LINGO2: variants seen among roughly 807,000 people sequenced by gnomAD.
LINGO2 encodes leucine-rich repeat and immunoglobulin-like domain-containing nogo receptor-interacting protein 2.
LINGO2 carries 14 observed loss-of-function variants against 30.6 expected under a neutral mutation model. The ratio of observed to expected loss-of-function variants is 0.46; its 90% CI spans 0.30 to 0.72. The LOEUF is 0.72. Among genes scored for constraint, LINGO2 ranks in the 30% least tolerant of loss-of-function variants. The pLI, the probability that LINGO2 is intolerant of heterozygous loss-of-function variation, is 0.07. For synonymous variants in LINGO2, 317 were observed against 288.5 expected, an observed-to-expected ratio of 1.10 and a Z score of -1.00; for missense variants, 729 against 751.7, an observed-to-expected ratio of 0.97 and a Z score of 0.35.
chr9:28,880,999 G>T, the LINGO2 span, among the ~76,000 whole-genome samples: 95,661 of 151,832 alleles, frequency 0.63, 30,330 homozygotes, highest in Admixed American at 0.71. Flanking sequence ...CCTGCTCTCC[G>T]ACTACATTCC....
chr9:28,407,099 A>T (rs1822544885), intron 2 of LINGO2, among the ~76,000 whole-genome samples: 1 of 152,164 alleles, frequency 6.6e-6, no homozygotes, highest in Non-Finnish European at 1.5e-5. Context: ...ATAGAGATGC[A>T]TATATAAATA....
At chr9:28,866,234 T>C in the LINGO2 span, among the ~76,000 whole-genome samples, 1 of 152,178 alleles carries the variant, frequency 6.6e-6, no homozygotes, top group Non-Finnish European at 1.5e-5. Flanking sequence ...TTTCAAACTC[T>C]TGCACTATTT....
the LINGO2 span, among the ~76,000 whole-genome samples, chr9:28,701,295 G>A: frequency 6.6e-6 from 1 of 151,676 alleles, no homozygotes. Flanking sequence ...TTTGTATTTT[G>A]TGTTCAGACC....
intron 1 of LINGO2, among the ~76,000 whole-genome samples, chr9:28,647,893 CTT>C (rs5897315): frequency 0.13 from 16,973 of 130,068 alleles, 1,246 homozygotes; most frequent in African/African-American, 0.22. Flanking sequence ...TTCTTTCTTT[CTT>C]TTTTTTTTTT....
intron 1 of LINGO2, among the ~76,000 whole-genome samples, chr9:28,603,611 A>G (rs1825583260): frequency 6.6e-6 from 1 of 152,054 alleles, no homozygotes; most frequent in Non-Finnish European, 1.5e-5. Context: ...CTGATTATAA[A>G]TCTTGCATTC....
chr9:28,620,229 C>G (rs946631902), intron 1 of LINGO2, among the ~76,000 whole-genome samples: 2 of 152,030 alleles, frequency 1.3e-5, no homozygotes, highest in Admixed American at 1.3e-4. Context: ...ATGACTAGGA[C>G]TCAAATACCG....
chr9:28,040,461 C>A (rs1165601940), intron 4 of LINGO2, among the ~76,000 whole-genome samples: 2 of 142,524 alleles, frequency 1.4e-5, no homozygotes, highest in South Asian at 4.6e-4. Flanking sequence ...GGATTCACTA[C>A]CTCACAAGAC....
chr9:28,263,268 A>G (rs1453135820), intron 4 of LINGO2, among the ~76,000 whole-genome samples: 1 of 152,012 alleles, frequency 6.6e-6, no homozygotes, highest in African/African-American at 2.4e-5. Flanking sequence ...TCATTTGGTT[A>G]GTTAAGGCCA....
At chr9:29,115,246 T>C in the LINGO2 span, among the ~76,000 whole-genome samples, 1 of 152,108 alleles carries the variant, frequency 6.6e-6, no homozygotes, top group Non-Finnish European at 1.5e-5. Flanking sequence ...CACTTATTTT[T>C]AGGTGAGTTC....
At chr9:28,717,040 G>C in the LINGO2 span, among the ~76,000 whole-genome samples, 52 of 151,958 alleles carry the variant, frequency 3.4e-4, no homozygotes, top group Non-Finnish European at 6.9e-4. Flanking sequence ...AACAACCAAA[G>C]GGTAACTATG....
At chr9:28,087,372 T>C (rs1223990071) in intron 4 of LINGO2, among the ~76,000 whole-genome samples, 2 of 152,106 alleles carry the variant, frequency 1.3e-5, no homozygotes, top group South Asian at 4.1e-4. Context: ...TTTAAAACAA[T>C]ATGTGTTTTA....
chr9:29,170,044 A>T, the LINGO2 span, among the ~76,000 whole-genome samples: 1 of 152,106 alleles, frequency 6.6e-6, no homozygotes, highest in South Asian at 2.1e-4. Flanking sequence ...CAGTATGGAG[A>T]TTTCTCAAAT....
intron 4 of LINGO2, among the ~76,000 whole-genome samples, chr9:28,240,209 C>A (rs545910032): frequency 6.6e-6 from 1 of 152,048 alleles, no homozygotes; most frequent in South Asian, 2.1e-4. Flanking sequence ...CTACACAAAG[C>A]AATCTATAGA....
At chr9:28,482,518 A>T (rs988593240) in intron 1 of LINGO2, among the ~76,000 whole-genome samples, 3 of 151,726 alleles carry the variant, frequency 2.0e-5, no homozygotes, top group Admixed American at 1.3e-4. Context: ...TAGATTCTGG[A>T]TATTAGCCCT....
chr9:28,105,358 G>C (rs1050966834), intron 4 of LINGO2, among the ~76,000 whole-genome samples: 3 of 152,114 alleles, frequency 2.0e-5, no homozygotes, highest in Non-Finnish European at 4.4e-5. Context: ...CACTGTTCTA[G>C]GCTCTGGGAG....
intron 1 of LINGO2, among the ~76,000 whole-genome samples, chr9:28,660,926 G>A (rs1828559095): frequency 6.6e-6 from 1 of 152,094 alleles, no homozygotes; most frequent in Non-Finnish European, 1.5e-5. Context: ...CAGACTGAAT[G>A]AATACAGCAC....
At chr9:28,174,753 G>C (rs895362530) in intron 4 of LINGO2, among the ~76,000 whole-genome samples, 1 of 152,064 alleles carries the variant, frequency 6.6e-6, no homozygotes, top group African/African-American at 2.4e-5. Context: ...TGTAGAGTGG[G>C]AACCATATAT....
chr9:28,444,317 C>T (rs1392637487), intron 2 of LINGO2, among the ~76,000 whole-genome samples: 2 of 152,190 alleles, frequency 1.3e-5, no homozygotes, highest in Non-Finnish European at 2.9e-5. Flanking sequence ...TTCCCAAAAC[C>T]AAAGCTGCTG....
the LINGO2 span, among the ~76,000 whole-genome samples, chr9:28,898,537 A>G: frequency 2.0e-5 from 3 of 152,152 alleles, no homozygotes; most frequent in Non-Finnish European, 4.4e-5. Context: ...TATTTTTTCT[A>G]TCTACTGGTA....
Sources: gnomAD v4.1 joint callset for allele counts (sites outside exome capture counted in the v4.1 genomes callset) on GRCh38, gnomAD v4.1.1 for gene constraint, MANE v1.5 for transcripts, NCBI Gene and HGNC (gene_info 2026-07-23, HGNC 2026-07-21) for gene names.